Variants in SERINC2 observed in about 807,000 individuals in gnomAD.
The protein encoded by SERINC2 is tumor differentially expressed protein 2.
SERINC2 carries 56 observed loss-of-function variants against 54.2 expected under a neutral mutation model. That is an observed-to-expected ratio of 1.03 (90% CI 0.83 to 1.29). The LOEUF (loss-of-function observed/expected upper bound fraction) is 1.29, where lower values mean the gene tolerates loss of function less well. Ranked by LOEUF, SERINC2 falls within the 50% of genes most tolerant of loss-of-function variation. The pLI is 0.00. For missense variants in SERINC2, 614 were observed against 607.4 expected (o/e 1.01, Z -0.12); for synonymous variants, 272 against 253.1 (o/e 1.07, Z -0.71).
chr1:31,419,822 C>T (rs1330840113), intron 1 of SERINC2, among the ~76,000 whole-genome samples: 4 of 151,768 alleles, frequency 2.6e-5, no homozygotes, highest in African/African-American at 9.7e-5. Context: ...GAGCCAAATC[C>T]TTTCTTGAAA....
intron 1 of SERINC2, chr1:31,414,270 C>T (rs1481974784): frequency 1.7e-5 from 22 of 1,329,862 alleles, no homozygotes; most frequent in Non-Finnish European, 2.1e-5. Context: ...TTTCCCCAGC[C>T]CCCCTCTCCT....
At chr1:31,427,572 C>T (rs1196384300) in intron 6 of SERINC2, among the ~76,000 whole-genome samples, 1 of 152,160 alleles carries the variant, frequency 6.6e-6, no homozygotes, top group Non-Finnish European at 1.5e-5. Flanking sequence ...TGAGCACTTC[C>T]TGTGTACCAG....
At chr1:31,414,147 G>C in intron 1 of SERINC2, 14 of 1,411,934 alleles carry the variant, frequency 9.9e-6, no homozygotes, top group Non-Finnish European at 1.3e-5. Context: ...CGCGGGGAGT[G>C]CCCGGTCGCG....
In SERINC2 at chr1:31,434,376, G is replaced by A. The variant is rs534907085; in HGVS notation, c.*177G>A. 298 of 632,780 alleles carry A rather than the reference G, an allele frequency of 4.7e-4. 1 individual carries two copies. The highest frequency in any genetic ancestry group is 8.4e-4 in the Admixed American group (28 of 33,314). The allele number at this position is 632,780 out of a possible 1,614,324, so 39.2% of individuals were successfully genotyped here. On this transcript the variant is annotated 3_prime_UTR_variant, in exon 10 of 10. Coordinates refer to ENST00000373709, the MANE Select transcript of SERINC2 (RefSeq NM_178865.5). ...AGTCGTAGTGCCTTCAGGGTCCGAG[G>A]AGCATCAGGCTCCTGCAGAGCCCCA...
chr1:31,432,511 C>T (rs1339803472), intron 8 of SERINC2, among the ~76,000 whole-genome samples: 2 of 151,976 alleles, frequency 1.3e-5, no homozygotes, highest in Non-Finnish European at 2.9e-5. Context: ...AAATCAATGG[C>T]AAATGAGCGT....
upstream of SERINC2, among the ~76,000 whole-genome samples, chr1:31,411,394 G>C (rs781977784): frequency 3.3e-5 from 5 of 152,112 alleles, no homozygotes; most frequent in African/African-American, 4.8e-5. Context: ...TACATTTCGC[G>C]TGTCACTACT....
At position 31,434,309 on chromosome 1, in the gene SERINC2, C is replaced by T; in HGVS notation, c.*110C>T. On this transcript the variant is annotated 3_prime_UTR_variant, in exon 10 of 10. Transcript: ENST00000373709. ...CCAATCAGCCAGGCTGAGCCCCCAC[C>T]CCTGCCCCAGCTCCAGGACCTGCCC... is the stretch of plus-strand genomic sequence containing the variant. 3 of 1,186,430 alleles carry T rather than the reference C, an allele frequency of 2.5e-6. No homozygotes were observed. Among genetic ancestry groups the T allele is most frequent in the Non-Finnish European group, 3.6e-6 (3 of 836,380 alleles). 73.5% of individuals were successfully genotyped at this position (1,186,430 alleles called of 1,614,324 possible). A position where few individuals can be genotyped will look rare whatever the true frequency, so the allele number is the denominator to read the frequency against.
intron 1 of SERINC2, among the ~76,000 whole-genome samples, chr1:31,422,648 C>T (rs558165137): frequency 6.6e-6 from 1 of 152,276 alleles, no homozygotes; most frequent in South Asian, 2.1e-4. Context: ...AAGGCAAGGC[C>T]TATGTCTGTT....
intron 8 of SERINC2, 108 bp from the exon 9 acceptor site, chr1:31,432,859 G>C (rs1641352426): frequency 3.7e-6 from 3 of 803,986 alleles, no homozygotes; most frequent in African/African-American, 3.4e-5. Flanking sequence ...TTAACTCCCA[G>C]GCCCAGTAAC....
At chr1:31,427,402 C>T (rs1553133797) in intron 6 of SERINC2, among the ~76,000 whole-genome samples, 1 of 152,180 alleles carries the variant, frequency 6.6e-6, no homozygotes, top group Non-Finnish European at 1.5e-5. Flanking sequence ...CCGGCAGCTT[C>T]AGGGGGCTTA....
chr1:31,416,746 A>G (rs1640790346), intron 1 of SERINC2, among the ~76,000 whole-genome samples: 1 of 150,764 alleles, frequency 6.6e-6, no homozygotes, highest in Admixed American at 6.6e-5. Context: ...TTTGAGATGA[A>G]GTCTTGCTCT....
At chr1:31,429,668 T>C in intron 8 of SERINC2, 130 bp downstream of exon 8, 2 of 1,066,980 alleles carry the variant, frequency 1.9e-6, no homozygotes, top group Middle Eastern at 4.5e-4. Flanking sequence ...AGGTCTTGCA[T>C]TGTGCGGGAG....
chr1:31,416,528 T>G (rs782265457), intron 1 of SERINC2, among the ~76,000 whole-genome samples: 1 of 151,956 alleles, frequency 6.6e-6, no homozygotes, highest in Non-Finnish European at 1.5e-5. Flanking sequence ...GCTGACCTCT[T>G]CTCTGCTGTG....
At chr1:31,431,805 CAG>C (rs1641224531) in intron 8 of SERINC2, among the ~76,000 whole-genome samples, 2 of 40,622 alleles carry the variant, frequency 4.9e-5, no homozygotes, top group African/African-American at 1.2e-4. Flanking sequence ...ATAGGGTGGA[CAG>C]GGTGGACAGG....
intron 1 of SERINC2, among the ~76,000 whole-genome samples, chr1:31,416,785 A>G (rs998193747): frequency 6.6e-6 from 1 of 152,184 alleles, no homozygotes; most frequent in South Asian, 2.1e-4. Context: ...CAGTGGCACC[A>G]TTCTGGCTCA....
In SERINC2 at chr1:31,425,362, G is replaced by T. The variant is rs782028175; in HGVS notation, c.425G>T (p.Gly142Val). 6.2e-6 allele frequency: 10 copies of T among 1,613,444 alleles called. No individual in the cohort carries two copies. In the South Asian group the frequency reaches 1.1e-4, roughly 18 times the overall value. The change falls in exon 4 of 10, where the codon GGC becomes GTC. Residue 142 changes from glycine (G) to valine (V), a missense_variant. Physicochemically the swap from Gly to Val is moderately radical, Grantham distance 109. Transcript: ENST00000373709. Reference protein sequence around the residue: ...FWFFKFLILVGLTVGAFYIPD... With the variant: ...FWFFKFLILVVLTVGAFYIPD... The stretch of plus-strand genomic sequence containing the variant: ...TTCTTTAAGTTCCTGATCCTGGTGG[G>T]CCTCACCGTGGGTGCCTTCTACATT...
rs1452752733 is a variant in SERINC2 at position 31,434,508 on chromosome 1, G to A, written c.*309G>A. ...GGGCTCCCTTGTCCTCAGGCTCCACGGGAGCGGGGCTGCTGGAGAGAGCGG... is the reference window on the plus strand; with the variant it reads ...GGGCTCCCTTGTCCTCAGGCTCCACAGGAGCGGGGCTGCTGGAGAGAGCGG... On this transcript the variant is annotated 3_prime_UTR_variant, in exon 10 of 10. Coordinates refer to ENST00000373709, the MANE Select transcript of SERINC2 (RefSeq NM_178865.5). The A allele has an allele frequency of 1.3e-5, 5 of 382,518 alleles. No homozygotes were observed. The highest frequency in any genetic ancestry group is 4.7e-5 in the East Asian group (1 of 21,118). The allele number at this position is 382,518 out of a possible 1,614,324, so 23.7% of individuals were successfully genotyped here.
At chr1:31,431,493 T>A (rs1215733918) in intron 8 of SERINC2, among the ~76,000 whole-genome samples, 2 of 151,954 alleles carry the variant, frequency 1.3e-5, no homozygotes, top group African/African-American at 4.8e-5. Context: ...TGGTGGCCGG[T>A]GGCCAAGGAG....
intron 1 of SERINC2, chr1:31,414,470 A>G (rs886768542): frequency 9.2e-6 from 9 of 977,972 alleles, no homozygotes; most frequent in Non-Finnish European, 1.1e-5. Context: ...AGAGAGAGAG[A>G]GAGAGGAGGG....
Sources: allele counts gnomAD v4.1 joint callset (sites outside exome capture counted in the v4.1 genomes callset), GRCh38; gene constraint gnomAD v4.1.1; transcripts MANE v1.5; gene names NCBI Gene and HGNC (gene_info 2026-07-23, HGNC 2026-07-21).